Variants in CAND2 observed in about 807,000 individuals in gnomAD.
The protein encoded by CAND2 is cullin associated and neddylation dissociated 2 (putative), also known as cullin-associated NEDD8-dissociated protein 2.
Under a neutral mutation model 98.9 loss-of-function variants are expected in CAND2, and 62 were observed. The ratio of observed to expected loss-of-function variants is 0.63; its 90% CI spans 0.51 to 0.77. The LOEUF (loss-of-function observed/expected upper bound fraction) is 0.77, where lower values mean the gene tolerates loss of function less well. Ranked by LOEUF, CAND2 falls within the 30% of genes least tolerant of loss-of-function variation. The pLI, the probability that CAND2 is intolerant of heterozygous loss-of-function variation, is 0.00. For synonymous variants in CAND2, 770 were observed against 731.9 expected (o/e 1.05, Z -0.84); for missense variants, 1,501 against 1,655.2 (o/e 0.91, Z 1.62).
Position 12,817,423 on chromosome 3 carries a change from A to T in CAND2, c.2491A>T (p.Arg831Trp), listed in dbSNP as rs2061917405. 2.5e-6 allele frequency: 4 copies of T among 1,613,704 alleles called. No homozygotes were observed. Among genetic ancestry groups the T allele is most frequent in the Middle Eastern group, 1.7e-4 (1 of 6,048 alleles). ...STASRLVCDA[R>W]SPHSSTGVKV... is the part of the protein sequence containing the mutation. ...AGCCAGTCGCCTGGTCTGCGATGCC[A>T]GGTCGCCCCACTCCAGCACGGGGGT... Residue 831 changes from arginine to tryptophan, a missense_variant, in exon 10 of 15, where the codon AGG (arginine) becomes TGG (tryptophan). Coordinates refer to ENST00000456430, the MANE Select transcript of CAND2 (RefSeq NM_001162499.2).
Position 12,813,243 on chromosome 3 carries a change from C to A in CAND2, c.864-3C>A. ...GCAAAGCATTCCTCATCCTGCCCCA[C>A]AGGTGCCCCAAGGAAATGGGTCCTC... On this transcript the variant is annotated splice_polypyrimidine_tract_variant and splice_region_variant and intron_variant, in intron 6 of 14. Coordinates refer to ENST00000456430, the MANE Select transcript of CAND2 (RefSeq NM_001162499.2). The A allele has an allele frequency of 6.2e-7, 1 of 1,612,822 alleles. No homozygotes were observed. The highest frequency in any genetic ancestry group is 1.3e-5 in the African/African-American group (1 of 75,016).
intron 10 of CAND2, among the ~76,000 whole-genome samples, chr3:12,818,356 A>C (rs1470784734): frequency 1.3e-5 from 2 of 152,178 alleles, no homozygotes; most frequent in African/African-American, 4.8e-5. Context: ...GTCAACAAAA[A>C]CAGTTTTCCC....
At chr3:12,808,519 A>C (rs1340598080) in intron 4 of CAND2, among the ~76,000 whole-genome samples, 186 bp downstream of exon 4, 1 of 152,226 alleles carries the variant, frequency 6.6e-6, no homozygotes, top group Non-Finnish European at 1.5e-5. Flanking sequence ...TGATGCGGTC[A>C]GTAAAACCTC....
chr3:12,820,063 A>G (rs745361632), intron 10 of CAND2, 23 bp from the exon 11 acceptor site: 10 of 1,595,320 alleles, frequency 6.3e-6, no homozygotes, highest in African/African-American at 5.4e-5. Context: ...CCCCTCACTA[A>G]CTCACCTCTT....
In CAND2 at chr3:12,811,127, G is replaced by T. The variant is rs181607784; in HGVS notation, c.757+803G>T. 3.9e-5 allele frequency among the ~76,000 whole-genome samples: 6 copies of T among 152,114 alleles called. No homozygotes were observed. In the South Asian group the frequency reaches 1.2e-3, roughly 32 times the overall value. Reference sequence around the variant, plus strand: ...CTTGCAGGCACACGGCGGGGGGTGGGGGGGGGAACCCCAGCTGACATGGCC... The same window carrying T: ...CTTGCAGGCACACGGCGGGGGGTGGTGGGGGGAACCCCAGCTGACATGGCC... On this transcript the variant is annotated intron_variant, in intron 5 of 14. Transcript: ENST00000456430.
chr3:12,796,828 T>G (rs1169984324), intron 1 of CAND2, 40 bp downstream of exon 1: 1 of 1,526,074 alleles, frequency 6.6e-7, no homozygotes, highest in Non-Finnish European at 8.9e-7. Flanking sequence ...CTTCCCGCTC[T>G]GAAGCCGGGG....
Position 12,810,278 on chromosome 3 carries a change from G to T in CAND2, c.711G>T (p.Leu237=). ...VPTSPTAIRT[L]IQCLGSVGRQ... is the part of the protein sequence containing the mutation. The stretch of plus-strand genomic sequence containing the variant: ...CCAGCCCGACTGCCATCCGCACCCT[G>T]ATCCAATGTTTGGGCAGCGTCGGCC... The change falls in exon 5 of 15, where the codon CTG becomes CTT. Residue 237 remains leucine (L), a synonymous_variant. Transcript: ENST00000456430. 6.7e-7 allele frequency: 1 copy of T among 1,496,530 alleles called. No homozygotes were observed. The highest frequency in any genetic ancestry group is 8.9e-7 in the Non-Finnish European group (1 of 1,122,846). 92.7% of individuals were successfully genotyped at this position (1,496,530 alleles called of 1,614,324 possible).
chr3:12,799,594 G>T (rs1483540080), intron 1 of CAND2, among the ~76,000 whole-genome samples: 1 of 152,134 alleles, frequency 6.6e-6, no homozygotes, highest in Non-Finnish European at 1.5e-5. Flanking sequence ...TTAAGGGCTA[G>T]CTCTCTCACT....
intron 1 of CAND2, among the ~76,000 whole-genome samples, chr3:12,800,050 G>A (rs1164435259): frequency 6.6e-6 from 1 of 152,214 alleles, no homozygotes; most frequent in African/African-American, 2.4e-5. Context: ...GACCCTGGGT[G>A]CCATCTCAGA....
chr3:12,816,793 C>T lies in CAND2; in HGVS notation c.1861C>T (p.Leu621=). ...CACGTTACTGCTCCTCCTGGACCGC[C>T]TGCGGAATGAGATCACCCGGCTGCC... is the stretch of plus-strand genomic sequence containing the variant. The part of the protein sequence containing the change: ...EPTLLLLLDR[L]RNEITRLPAI... Residue 621 remains leucine (L), a synonymous_variant, in exon 10 of 15, where the codon CTG becomes TTG. Coordinates refer to ENST00000456430, the MANE Select transcript of CAND2 (RefSeq NM_001162499.2). 1 of 1,613,638 alleles carries T rather than the reference C, an allele frequency of 6.2e-7. No individual in the cohort carries two copies. Among genetic ancestry groups the T allele is most frequent in the East Asian group, 2.2e-5 (1 of 44,878 alleles).
Position 12,817,975 on chromosome 3 carries a change from C to G in CAND2, c.2944+99C>G, listed in dbSNP as rs1245799504. The G allele has an allele frequency of 2.7e-6, 3 of 1,122,170 alleles. No individual in the cohort carries two copies. In the African/African-American group the frequency reaches 4.7e-5, roughly 17 times the overall value. 69.5% of individuals were successfully genotyped at this position (1,122,170 alleles called of 1,614,324 possible). A position where few individuals can be genotyped will look rare whatever the true frequency, so the allele number is the denominator to read the frequency against. On this transcript the variant is annotated intron_variant, in intron 10 of 14. Transcript: ENST00000456430. ...GGGCAGAGTGAGCTATTTCAAGTCA[C>G]TGGATACAAGAATCACGGTATCTAT...
At chr3:12,808,015 A>G (rs571578157) in intron 3 of CAND2, among the ~76,000 whole-genome samples, 195 bp from the exon 4 acceptor site, 2 of 152,364 alleles carry the variant, frequency 1.3e-5, no homozygotes, top group African/African-American at 2.4e-5. Context: ...AAGCTCGGCC[A>G]TCAGCTCTGC....
In CAND2 at chr3:12,834,051, C is replaced by T; in HGVS notation, c.*69C>T. ...CCACCCAAGTCCGAGGCCTCCCCAT[C>T]CCACCATCGCAGGTCTCTACTTTTG... On this transcript the variant is annotated 3_prime_UTR_variant, in exon 15 of 15. Transcript: ENST00000456430. 4 of 1,261,682 alleles carry T rather than the reference C, an allele frequency of 3.2e-6. No homozygotes were observed. Among genetic ancestry groups the T allele is most frequent in the South Asian group, 1.2e-5 (1 of 83,200 alleles). The allele number at this position is 1,261,682 out of a possible 1,614,324, so 78.2% of individuals were successfully genotyped here. A position where few individuals can be genotyped will look rare whatever the true frequency, so the allele number is the denominator to read the frequency against.
intron 2 of CAND2, among the ~76,000 whole-genome samples, chr3:12,805,448 C>T (rs547879194): frequency 5.3e-5 from 8 of 152,090 alleles, no homozygotes; most frequent in South Asian, 2.1e-4. Flanking sequence ...CCACCACACC[C>T]GGCTAATTTT....
At chr3:12,798,221 A>G (rs1382364023) in intron 1 of CAND2, among the ~76,000 whole-genome samples, 1 of 152,086 alleles carries the variant, frequency 6.6e-6, no homozygotes, top group Admixed American at 6.5e-5. Flanking sequence ...AAAATCTGCC[A>G]CGCCCTGTCC....
intron 5 of CAND2, among the ~76,000 whole-genome samples, chr3:12,811,283 G>A (rs576575898): frequency 6.6e-6 from 1 of 152,188 alleles, no homozygotes; most frequent in African/African-American, 2.4e-5. Flanking sequence ...CGGGTCCCCA[G>A]ATACCCAGAC....
intron 13 of CAND2, 59 bp from the exon 14 acceptor site, chr3:12,831,406 T>C: frequency 7.2e-7 from 1 of 1,394,608 alleles, no homozygotes; most frequent in Non-Finnish European, 1.0e-6. Context: ...TTCCCAGGGC[T>C]GGCTGCTGCT....
At chr3:12,823,450 T>C (rs6789964) in intron 11 of CAND2, among the ~76,000 whole-genome samples, 106,235 of 151,400 alleles carry the variant, frequency 0.7, 37,869 homozygotes, top group African/African-American at 0.82. Context: ...AGGTGTAGGC[T>C]GGGCGCGGTG....
chr3:12,827,365 G>A, intron 12 of CAND2, 75 bp from the exon 13 acceptor site: 1 of 1,399,482 alleles, frequency 7.1e-7, no homozygotes, highest in Non-Finnish European at 9.9e-7. Context: ...ATAGAGATGT[G>A]GGGTTTGTAG....
Sources: allele counts gnomAD v4.1 joint callset (sites outside exome capture counted in the v4.1 genomes callset), GRCh38; gene constraint gnomAD v4.1.1; transcripts MANE v1.5; gene names NCBI Gene and HGNC (gene_info 2026-07-23, HGNC 2026-07-21).